GRM7: variants seen among roughly 807,000 people sequenced by gnomAD.
The protein encoded by GRM7 is metabotropic glutamate receptor 7.
GRM7 carries 35 observed loss-of-function variants against 84.5 expected under a neutral mutation model. The observed-to-expected ratio is 0.41, with a 90% confidence interval of 0.32 to 0.55. The LOEUF is 0.55. GRM7 is among the 20% of genes least tolerant of loss of function. GRM7 has a pLI of 0.19. For missense variants in GRM7, 1,003 were observed against 1,194.6 expected (o/e 0.84, Z 2.36); for synonymous variants, 487 against 455.1 (o/e 1.07, Z -0.89).
At chr3:7,228,768 G>A (rs1476702793) in intron 2 of GRM7, among the ~76,000 whole-genome samples, 1 of 152,110 alleles carries the variant, frequency 6.6e-6, no homozygotes, top group Admixed American at 6.5e-5. Context: ...GGGATATTGG[G>A]CACATTACTT....
At chr3:7,550,664 C>T (rs1693424970) in intron 7 of GRM7, among the ~76,000 whole-genome samples, 1 of 147,096 alleles carries the variant, frequency 6.8e-6, no homozygotes, top group African/African-American at 2.5e-5. Context: ...TCACATGAGC[C>T]AACTGGGCTT....
At chr3:7,132,467 G>A (rs939830994) in intron 1 of GRM7, among the ~76,000 whole-genome samples, 1 of 152,090 alleles carries the variant, frequency 6.6e-6, no homozygotes, top group Non-Finnish European at 1.5e-5. Flanking sequence ...TACTGATGGG[G>A]TATTGTATTA....
At chr3:7,337,001 C>A (rs1701446122) in intron 4 of GRM7, among the ~76,000 whole-genome samples, 1 of 151,916 alleles carries the variant, frequency 6.6e-6, no homozygotes, top group African/African-American at 2.4e-5. Context: ...ATGCAATTCC[C>A]ATCAAAATAC....
At chr3:7,140,652 A>C (rs1359072475) in intron 1 of GRM7, among the ~76,000 whole-genome samples, 1 of 152,178 alleles carries the variant, frequency 6.6e-6, no homozygotes, top group East Asian at 1.9e-4. Context: ...AAGACACTAA[A>C]TTATAATTTA....
At chr3:7,063,220 A>G (rs919079082) in intron 1 of GRM7, among the ~76,000 whole-genome samples, 3 of 151,784 alleles carry the variant, frequency 2.0e-5, no homozygotes, top group African/African-American at 4.8e-5. Context: ...AGGATACCAC[A>G]TCGCCAATCC....
chr3:7,442,963 C>T (rs1431061959), intron 5 of GRM7, among the ~76,000 whole-genome samples: 1 of 151,742 alleles, frequency 6.6e-6, no homozygotes, highest in East Asian at 1.9e-4. Flanking sequence ...TTGCCTCCCC[C>T]CCATACCCTC....
intron 8 of GRM7, among the ~76,000 whole-genome samples, chr3:7,635,807 G>T (rs1271358741): frequency 6.6e-6 from 1 of 152,026 alleles, no homozygotes; most frequent in Non-Finnish European, 1.5e-5. Flanking sequence ...CTGAGTATCT[G>T]GGACTACAGA....
At chr3:7,629,979 G>C (rs545074382) in intron 8 of GRM7, among the ~76,000 whole-genome samples, 1 of 152,162 alleles carries the variant, frequency 6.6e-6, no homozygotes, top group African/African-American at 2.4e-5. Flanking sequence ...CTTTGGCTTT[G>C]GAGTAGTTTA....
chr3:7,565,659 T>G (rs1694223910), intron 7 of GRM7, among the ~76,000 whole-genome samples: 1 of 152,134 alleles, frequency 6.6e-6, no homozygotes, highest in Admixed American at 6.5e-5. Flanking sequence ...CAATGAAAAG[T>G]CATTGATGAT....
At chr3:7,539,313 A>G (rs1379812567) in intron 7 of GRM7, among the ~76,000 whole-genome samples, 1 of 152,146 alleles carries the variant, frequency 6.6e-6, no homozygotes, top group Non-Finnish European at 1.5e-5. Context: ...CATGAAAAAG[A>G]TGTGCTTTTC....
intron 7 of GRM7, among the ~76,000 whole-genome samples, chr3:7,529,566 A>T (rs568566941): frequency 9.2e-4 from 140 of 152,248 alleles, no homozygotes; most frequent in African/African-American, 3.1e-3. Context: ...TTATTGTCAA[A>T]TGTTCTTGCT....
At chr3:7,614,132 G>A (rs983289660) in intron 8 of GRM7, among the ~76,000 whole-genome samples, 14 of 152,092 alleles carry the variant, frequency 9.2e-5, no homozygotes, top group African/African-American at 3.4e-4. Context: ...GGGCATGGTG[G>A]TGCGTACCTG....
intron 8 of GRM7, among the ~76,000 whole-genome samples, chr3:7,633,800 C>T (rs1299364846): frequency 1.3e-5 from 2 of 152,076 alleles, no homozygotes; most frequent in Non-Finnish European, 1.5e-5. Context: ...AAATCAGACC[C>T]GTTCAAGCTG....
At chr3:7,085,335 C>G (rs1403592093) in intron 1 of GRM7, among the ~76,000 whole-genome samples, 1 of 152,086 alleles carries the variant, frequency 6.6e-6, no homozygotes. Flanking sequence ...ATACATCTTT[C>G]TATTTAAAGA....
chr3:7,059,570 A>C (rs1697359134), intron 1 of GRM7, among the ~76,000 whole-genome samples: 1 of 151,776 alleles, frequency 6.6e-6, no homozygotes, highest in Admixed American at 6.6e-5. Flanking sequence ...ATCTTTCTAA[A>C]ATCATTTTTT....
At chr3:7,655,602 G>T (rs1699141782) in intron 8 of GRM7, among the ~76,000 whole-genome samples, 1 of 152,184 alleles carries the variant, frequency 6.6e-6, no homozygotes, top group Non-Finnish European at 1.5e-5. Context: ...TGCCTTGGAG[G>T]TATCTTTGCA....
intron 8 of GRM7, chr3:7,636,365 C>T (rs1698095401): frequency 2.2e-6 from 1 of 452,060 alleles, no homozygotes; most frequent in African/African-American, 2.0e-5. Context: ...TATTTATTTT[C>T]CTGAGCATCT....
rs1163974609 is a variant in GRM7, at chr3:7,151,458, A to G, written c.736+4790A>G. 6.6e-6 allele frequency among the ~76,000 whole-genome samples: 1 copy of G among 152,048 alleles called. No homozygotes were observed. Among genetic ancestry groups the G allele is most frequent in the East Asian group, 1.9e-4 (1 of 5,166 alleles). ...ACATACAAACAAAAACCAGAGCTAGATGGATTTTCCTACTATGGGATTTCA... is the reference window on the plus strand; with the variant it reads ...ACATACAAACAAAAACCAGAGCTAGGTGGATTTTCCTACTATGGGATTTCA... On this transcript the variant is annotated intron_variant, in intron 2 of 9. Transcript: ENST00000357716. This position sits in a 1 kb window ranked among gnomAD's most constrained non-coding sequence, Gnocchi z 4.5.
chr3:7,467,493 G>A (rs1325577107), intron 7 of GRM7, among the ~76,000 whole-genome samples: 1 of 152,138 alleles, frequency 6.6e-6, no homozygotes, highest in East Asian at 1.9e-4. Context: ...TGATAGGGAT[G>A]GGTACCCGTA....
Sources: gnomAD v4.1 joint callset for allele counts (sites outside exome capture counted in the v4.1 genomes callset) on GRCh38, gnomAD v4.1.1 for gene constraint, Gnocchi (gnomAD v3.1) non-coding constraint, MANE v1.5 for transcripts, NCBI Gene and HGNC (gene_info 2026-07-23, HGNC 2026-07-21) for gene names.